Variants in QTMAN observed in about 807,000 individuals in gnomAD.
The protein encoded by QTMAN is tRNA-queuosine alpha-mannosyltransferase.
the QTMAN span, among the ~76,000 whole-genome samples, chr2:144,273,654 G>A: frequency 6.6e-6 from 1 of 152,146 alleles, no homozygotes; most frequent in South Asian, 2.1e-4. Context: ...CATAATAGTT[G>A]TGCCTCTAAG....
chr2:144,174,659 T>C, the QTMAN span, among the ~76,000 whole-genome samples: 1 of 152,236 alleles, frequency 6.6e-6, no homozygotes, highest in Non-Finnish European at 1.5e-5. Context: ...GGGCAGGATT[T>C]TCCCATGCTA....
chr2:144,295,074 A>G, the QTMAN span, among the ~76,000 whole-genome samples: 23 of 152,394 alleles, frequency 1.5e-4, no homozygotes, highest in East Asian at 1.3e-3. Flanking sequence ...CATATTTCAT[A>G]TAAAGCATCT....
the QTMAN span, among the ~76,000 whole-genome samples, chr2:144,266,574 A>G: frequency 6.6e-6 from 1 of 152,260 alleles, no homozygotes; most frequent in Admixed American, 6.5e-5. Context: ...TTGGTTTTAC[A>G]AACATTAATC....
At chr2:144,182,874 T>C in the QTMAN span, among the ~76,000 whole-genome samples, 2,358 of 76,480 alleles carry the variant, frequency 0.031, 189 homozygotes, top group East Asian at 0.11. Flanking sequence ...ATATATATAT[T>C]ATATATATAT....
chr2:144,112,642 GGC>G, the QTMAN span, among the ~76,000 whole-genome samples: 1 of 152,184 alleles, frequency 6.6e-6, no homozygotes, highest in Non-Finnish European at 1.5e-5. Flanking sequence ...TTCCAGCAAA[GGC>G]CTAAGCAGAG....
At chr2:144,081,525 G>A in the QTMAN span, among the ~76,000 whole-genome samples, 2 of 152,134 alleles carry the variant, frequency 1.3e-5, no homozygotes, top group African/African-American at 4.8e-5. Flanking sequence ...AACCTTCAGG[G>A]AAAAACACAG....
the QTMAN span, among the ~76,000 whole-genome samples, chr2:144,206,220 T>C: frequency 6.6e-6 from 1 of 152,216 alleles, no homozygotes; most frequent in African/African-American, 2.4e-5. Flanking sequence ...TTTTGCATAG[T>C]AGGCAATATT....
the QTMAN span, among the ~76,000 whole-genome samples, chr2:144,283,849 T>C: frequency 6.9e-4 from 105 of 152,214 alleles, no homozygotes; most frequent in Non-Finnish European, 1.1e-3. Flanking sequence ...AGTGTGACTC[T>C]AGTATGTCTT....
chr2:144,234,416 G>A, the QTMAN span, among the ~76,000 whole-genome samples: 1 of 152,114 alleles, frequency 6.6e-6, no homozygotes, highest in South Asian at 2.1e-4. Flanking sequence ...CACAAGATAA[G>A]TAAAGGGAGA....
chr2:144,258,128 T>C, the QTMAN span, among the ~76,000 whole-genome samples: 17 of 149,736 alleles, frequency 1.1e-4, no homozygotes, highest in Admixed American at 1.1e-3. Flanking sequence ...GGGACAGGCA[T>C]TAAAAAAATG....
the QTMAN span, among the ~76,000 whole-genome samples, chr2:143,992,964 T>TAACAAC: frequency 6.6e-6 from 1 of 152,126 alleles, no homozygotes. Context: ...GAAAAGATAT[T>TAACAAC]AACAACAACA....
At chr2:144,311,341 T>C in the QTMAN span, among the ~76,000 whole-genome samples, 2 of 152,210 alleles carry the variant, frequency 1.3e-5, no homozygotes, top group Non-Finnish European at 1.5e-5. Context: ...GGGAAAGTAA[T>C]AGGCTTTGTG....
chr2:144,298,853 G>C, the QTMAN span, among the ~76,000 whole-genome samples: 1 of 152,152 alleles, frequency 6.6e-6, no homozygotes, highest in East Asian at 1.9e-4. Context: ...CTCTTCCAAT[G>C]GTATACTCCT....
chr2:144,250,343 C>T, the QTMAN span, among the ~76,000 whole-genome samples: 6 of 151,910 alleles, frequency 3.9e-5, no homozygotes, highest in East Asian at 1.2e-3. Context: ...AGGGTTTTAC[C>T]ATGTTGACCA....
chr2:144,114,470 T>C, the QTMAN span, among the ~76,000 whole-genome samples: 1 of 152,226 alleles, frequency 6.6e-6, no homozygotes, highest in Non-Finnish European at 1.5e-5. Flanking sequence ...CATCAAATGC[T>C]AGTAATCTGT....
the QTMAN span, among the ~76,000 whole-genome samples, chr2:144,169,426 AT>A: frequency 9.9e-5 from 15 of 152,222 alleles, no homozygotes; most frequent in East Asian, 1.9e-4. Flanking sequence ...ATTAAAAAAT[AT>A]TTTTTTGCTG....
chr2:143,943,022 CA>C, the QTMAN span: 1 of 152,204 alleles, frequency 6.6e-6, no homozygotes, highest in Admixed American at 6.5e-5. Context: ...GCTTAAGAAA[CA>C]GACTTCTCAT....
chr2:144,269,590 T>A, the QTMAN span, among the ~76,000 whole-genome samples: 1 of 152,110 alleles, frequency 6.6e-6, no homozygotes, highest in Non-Finnish European at 1.5e-5. Context: ...TATAACTGAT[T>A]TTATACAGTT....
At chr2:144,045,551 T>C in the QTMAN span, among the ~76,000 whole-genome samples, 1,630 of 152,290 alleles carry the variant, frequency 0.011, 32 homozygotes, top group African/African-American at 0.037. Context: ...GAAATGTGGA[T>C]AACATACTTG....
Sources: allele counts gnomAD v4.1 joint callset (sites outside exome capture counted in the v4.1 genomes callset), GRCh38; gene constraint gnomAD v4.1.1; transcripts MANE v1.5; gene names NCBI Gene and HGNC (gene_info 2026-07-23, HGNC 2026-07-21).